Variants in ARID3B observed in about 807,000 individuals in gnomAD.
The protein encoded by ARID3B is AT-rich interactive domain-containing protein 3B.
Under a neutral mutation model 51.9 loss-of-function variants are expected in ARID3B, and 10 were observed. That is an observed-to-expected ratio of 0.19 (90% confidence interval 0.12 to 0.33). The LOEUF is 0.33. Ranked by LOEUF, ARID3B falls within the 10% of genes least tolerant of loss-of-function variation. ARID3B has a pLI of 1.00. For synonymous variants in ARID3B, 205 were observed against 279.5 expected (o/e 0.73, Z 2.66); for missense variants, 483 against 716.3 (o/e 0.67, Z 3.72).
intron 2 of ARID3B, among the ~76,000 whole-genome samples, chr15:74,566,392 G>A (rs574392965): frequency 6.6e-6 from 1 of 152,116 alleles, no homozygotes; most frequent in East Asian, 1.9e-4. Context: ...CTGAGGTCAG[G>A]AGTTTGAGAC....
At chr15:74,563,265 G>C (rs1451237951) in intron 2 of ARID3B, among the ~76,000 whole-genome samples, 1 of 152,182 alleles carries the variant, frequency 6.6e-6, no homozygotes, top group Non-Finnish European at 1.5e-5. Flanking sequence ...TAGCACCCCA[G>C]GATGGGGGTG....
At chr15:74,561,065 G>A (rs2061678134) in intron 2 of ARID3B, among the ~76,000 whole-genome samples, 1 of 152,138 alleles carries the variant, frequency 6.6e-6, no homozygotes, top group Non-Finnish European at 1.5e-5. Context: ...GATTATAGGT[G>A]TGACCCACCG....
chr15:74,591,580 A>G lies in ARID3B; in HGVS notation c.1186A>G (p.Thr396Ala), dbSNP rs1226246724. 5.6e-6 allele frequency: 9 copies of G among 1,611,520 alleles called. No homozygotes were observed. The highest frequency in any genetic ancestry group is 1.3e-5 in the African/African-American group (1 of 74,852). The change falls in exon 7 of 9, where the codon ACA (threonine) becomes GCA (alanine). Residue 396 changes from threonine (T) to alanine (A), a missense_variant. Coordinates refer to ENST00000346246, the MANE Select transcript of ARID3B (RefSeq NM_006465.4). The surrounding 1 kb of genome is among the most constrained non-coding windows in gnomAD (Gnocchi z 5.8). ...LRKGDGAPVT[T>A]VPVPNRLAVP... ...TGCAGGTGATGGAGCCCCAGTGACA[A>G]CAGTGCCTGTGCCAAATCGTCTGGC...
chr15:74,574,297 C>T (rs1279024523), intron 4 of ARID3B: 4 of 152,420 alleles, frequency 2.6e-5, no homozygotes, highest in Non-Finnish European at 5.9e-5. Flanking sequence ...CCTTCGTCAC[C>T]CTCAGGACAA....
chr15:74,587,242 G>A (rs895457552), intron 4 of ARID3B, among the ~76,000 whole-genome samples: 2 of 152,228 alleles, frequency 1.3e-5, no homozygotes, highest in African/African-American at 2.4e-5. Context: ...AGAGGCTGCT[G>A]CAGGCATCTA....
intron 5 of ARID3B, among the ~76,000 whole-genome samples, chr15:74,590,517 T>G (rs1312849642): frequency 6.6e-6 from 1 of 152,166 alleles, no homozygotes; most frequent in African/African-American, 2.4e-5. Flanking sequence ...GTGACCTGGT[T>G]TTGTCAGCAT....
intron 2 of ARID3B, among the ~76,000 whole-genome samples, chr15:74,550,957 C>T (rs957741720): frequency 1.3e-5 from 2 of 152,108 alleles, no homozygotes; most frequent in East Asian, 1.9e-4. Flanking sequence ...TTGAAGCTAC[C>T]GTCGTCCCTC....
intron 4 of ARID3B, among the ~76,000 whole-genome samples, chr15:74,575,787 G>GAA (rs2141468172): frequency 6.6e-6 from 1 of 152,340 alleles, no homozygotes; most frequent in East Asian, 1.9e-4. Context: ...CAACAGAAGG[G>GAA]AAACGGTTCT....
intron 2 of ARID3B, among the ~76,000 whole-genome samples, chr15:74,558,111 C>T (rs1457619628): frequency 2.0e-5 from 3 of 151,502 alleles, no homozygotes; most frequent in Non-Finnish European, 4.4e-5. Flanking sequence ...GTGAGCCACG[C>T]GCCCGGCCTT....
In ARID3B at chr15:74,595,858, G is replaced by A; in HGVS notation, c.*84G>A. 7.0e-7 allele frequency: 1 copy of A among 1,420,534 alleles called. No individual in the cohort carries two copies. The allele number at this position is 1,420,534 out of a possible 1,614,324, so 88.0% of individuals were successfully genotyped here. On this transcript the variant is annotated 3_prime_UTR_variant, in exon 9 of 9. Transcript: ENST00000346246. ...CACAGAATTTACCTCATCTCACAGAGCCCACGTCGACGAGCACCATTTGGC... is the reference window on the plus strand; with the variant it reads ...CACAGAATTTACCTCATCTCACAGAACCCACGTCGACGAGCACCATTTGGC...
chr15:74,588,495 T>C (rs2061789896), intron 4 of ARID3B, among the ~76,000 whole-genome samples: 1 of 152,070 alleles, frequency 6.6e-6, no homozygotes, highest in Non-Finnish European at 1.5e-5. Flanking sequence ...ACTGGGGCAA[T>C]GGGAGGGGGC....
intron 4 of ARID3B, chr15:74,574,450 G>C (rs552258682): frequency 6.6e-6 from 1 of 152,280 alleles, no homozygotes; most frequent in East Asian, 1.9e-4. Flanking sequence ...AGCTGTAATG[G>C]CAGCCCCCAG....
At chr15:74,572,824 C>T in intron 2 of ARID3B, 38 bp from the exon 3 acceptor site, 1 of 1,601,900 alleles carries the variant, frequency 6.2e-7, no homozygotes, top group Non-Finnish European at 8.6e-7. Context: ...CTTTCTCTTC[C>T]TTTGCCCCTC....
chr15:74,542,749 A>T (rs2141370335), intron 1 of ARID3B, among the ~76,000 whole-genome samples: 1 of 152,340 alleles, frequency 6.6e-6, no homozygotes, highest in South Asian at 2.1e-4. Flanking sequence ...TGTTCACCTA[A>T]AATTGCCCTT....
chr15:74,584,134 C>G (rs1368285368), intron 4 of ARID3B, among the ~76,000 whole-genome samples: 2 of 152,170 alleles, frequency 1.3e-5, no homozygotes, highest in Admixed American at 6.5e-5. Context: ...ACGATTGATC[C>G]TGTCGCCCAG....
At chr15:74,551,059 T>G (rs933377280) in intron 2 of ARID3B, among the ~76,000 whole-genome samples, 2 of 152,216 alleles carry the variant, frequency 1.3e-5, no homozygotes, top group African/African-American at 4.8e-5. Context: ...CCACATATAT[T>G]AAAAGTCAGT....
At chr15:74,568,329 T>C (rs2141462157) in intron 2 of ARID3B, among the ~76,000 whole-genome samples, 1 of 152,336 alleles carries the variant, frequency 6.6e-6, no homozygotes, top group Middle Eastern at 3.4e-3. Context: ...CTTTTCTCCC[T>C]TCCTGATCTC....
intron 1 of ARID3B, among the ~76,000 whole-genome samples, chr15:74,542,406 A>G (rs1380668315): frequency 6.6e-6 from 1 of 152,226 alleles, no homozygotes; most frequent in East Asian, 1.9e-4. Context: ...AGTAAGAGGC[A>G]AATTGGAATG....
intron 2 of ARID3B, among the ~76,000 whole-genome samples, chr15:74,552,127 T>C (rs1251177303): frequency 1.4e-5 from 2 of 141,160 alleles, no homozygotes; most frequent in Non-Finnish European, 3.0e-5. Flanking sequence ...TGTGGCGTGA[T>C]CTTGGCTCAC....
Sources: gnomAD v4.1 joint callset for allele counts (sites outside exome capture counted in the v4.1 genomes callset) on GRCh38, gnomAD v4.1.1 for gene constraint, Gnocchi (gnomAD v3.1) non-coding constraint, MANE v1.5 for transcripts, NCBI Gene and HGNC (gene_info 2026-07-23, HGNC 2026-07-21) for gene names.